Variants in ARHGAP32 observed in about 807,000 individuals in gnomAD.
The protein encoded by ARHGAP32 is Rho GTPase activating protein 32.
In ARHGAP32, 51 loss-of-function variants were observed where a neutral mutation model predicts 186.5. The ratio of observed to expected loss-of-function variants is 0.27; its 90% CI spans 0.22 to 0.35. ARHGAP32 has a LOEUF of 0.35. Ranked by LOEUF, ARHGAP32 falls within the 10% of genes least tolerant of loss-of-function variation. The probability of loss-of-function intolerance (pLI) is 1.00; values close to 1 mark genes in which losing one functional copy is unlikely to be tolerated. For missense variants in ARHGAP32, 2,186 were observed against 2,623.5 expected (o/e 0.83, Z 3.64); for synonymous variants, 950 against 964.3 (o/e 0.99, Z 0.27).
intron 1 of ARHGAP32, among the ~76,000 whole-genome samples, chr11:129,258,249 A>G (rs1159760128): frequency 6.6e-6 from 1 of 152,202 alleles, no homozygotes; most frequent in African/African-American, 2.4e-5. Context: ...TTTAATCAAA[A>G]TAAACCAAAA....
At chr11:129,071,090 TA>T (rs1940853197) in intron 6 of ARHGAP32, among the ~76,000 whole-genome samples, 1 of 152,056 alleles carries the variant, frequency 6.6e-6, no homozygotes, top group South Asian at 2.1e-4. Context: ...TTGAGAGCTG[TA>T]ACACTCAGTG....
intron 6 of ARHGAP32, among the ~76,000 whole-genome samples, chr11:129,077,209 C>T (rs1217370009): frequency 6.6e-6 from 1 of 152,070 alleles, no homozygotes; most frequent in Non-Finnish European, 1.5e-5. Context: ...GGGGATAGAC[C>T]ACAGGAAAAA....
chr11:129,082,528 G>C (rs1319556806), intron 6 of ARHGAP32, among the ~76,000 whole-genome samples: 2 of 152,032 alleles, frequency 1.3e-5, no homozygotes, highest in Non-Finnish European at 2.9e-5. Flanking sequence ...AATGGTGGTG[G>C]GATAATTGGC....
rs560413477 is a variant in ARHGAP32, at chr11:128,996,998, C to T, written c.1195+1321G>A. ...CTTGCCATGTTGTGTAGGCTGATCT[C>T]GAACTCCTAGGCGCAAGCTATCTGC... On this transcript the variant is annotated intron_variant, in intron 12 of 22. Coordinates refer to ENST00000682385, the MANE Select transcript of ARHGAP32 (RefSeq NM_001378024.1). Among the ~76,000 whole-genome samples the T allele has an allele frequency of 4.6e-5, 7 of 152,222 alleles. No homozygotes were observed. The South Asian group carries it at 1.0e-3, about 23-fold the overall frequency.
chr11:129,186,018 A>G (rs553070543), intron 1 of ARHGAP32, among the ~76,000 whole-genome samples: 9 of 152,234 alleles, frequency 5.9e-5, no homozygotes, highest in African/African-American at 2.2e-4. Context: ...GTCACTTGAC[A>G]TATTTAATTT....
At chr11:129,052,219 C>A (rs1487978277) in intron 10 of ARHGAP32, among the ~76,000 whole-genome samples, 1 of 152,170 alleles carries the variant, frequency 6.6e-6, no homozygotes, top group Non-Finnish European at 1.5e-5. Context: ...ATGTGTACAA[C>A]TGTATGTATG....
chr11:129,057,045 C>G (rs562086734), intron 10 of ARHGAP32, among the ~76,000 whole-genome samples: 16 of 152,246 alleles, frequency 1.1e-4, no homozygotes, highest in African/African-American at 3.9e-4. Flanking sequence ...GTTCTGCAGC[C>G]GGAGCCCAGT....
intron 5 of ARHGAP32, among the ~76,000 whole-genome samples, chr11:129,099,937 A>C (rs1360917559): frequency 6.6e-6 from 1 of 152,194 alleles, no homozygotes; most frequent in Non-Finnish European, 1.5e-5. Context: ...GCTACTGTGC[A>C]CTGCACCAGG....
chr11:129,131,493 C>A (rs1942808092), intron 2 of ARHGAP32, among the ~76,000 whole-genome samples: 1 of 152,034 alleles, frequency 6.6e-6, no homozygotes, highest in Non-Finnish European at 1.5e-5. Flanking sequence ...GATATCAAAA[C>A]CACCCAAAGA....
chr11:129,115,444 T>A (rs1942340766), intron 5 of ARHGAP32, among the ~76,000 whole-genome samples: 1 of 152,128 alleles, frequency 6.6e-6, no homozygotes, highest in African/African-American at 2.4e-5. Flanking sequence ...AGAATGGGAA[T>A]AGAGCACTGT....
At chr11:129,245,317 G>GAA (rs1373014958) in intron 1 of ARHGAP32, among the ~76,000 whole-genome samples, 1 of 148,822 alleles carries the variant, frequency 6.7e-6, no homozygotes, top group Non-Finnish European at 1.5e-5. Flanking sequence ...GATGAAATTG[G>GAA]AAATCATCAT....
intron 1 of ARHGAP32, among the ~76,000 whole-genome samples, chr11:129,206,918 C>T (rs925139701): frequency 6.6e-6 from 1 of 152,042 alleles, no homozygotes; most frequent in Non-Finnish European, 1.5e-5. Flanking sequence ...CCTCACCCCC[C>T]AACAGGCCCC....
At chr11:128,993,378 A>G (rs1946115735) in intron 12 of ARHGAP32, 1 of 152,080 alleles carries the variant, frequency 6.6e-6, no homozygotes, top group African/African-American at 2.4e-5. Flanking sequence ...CTTCTCAGAA[A>G]AATCTAGTGC....
At chr11:129,181,205 C>T (rs369380425) in intron 1 of ARHGAP32, among the ~76,000 whole-genome samples, 3 of 152,090 alleles carry the variant, frequency 2.0e-5, no homozygotes. Context: ...CAACAGTTGT[C>T]GCCAGTTACT....
chr11:129,183,888 A>G (rs1944104695), intron 1 of ARHGAP32, among the ~76,000 whole-genome samples: 2 of 152,148 alleles, frequency 1.3e-5, no homozygotes, highest in African/African-American at 4.8e-5. Flanking sequence ...GACTGCATAT[A>G]TGTGAGGAAG....
At position 129,123,396 on chromosome 11, in the gene ARHGAP32, A is replaced by T. The variant is rs755246351; in HGVS notation, c.444+50T>A. The T allele has an allele frequency of 5.5e-6, 8 of 1,463,486 alleles. No individual in the cohort carries two copies. Among genetic ancestry groups the T allele is most frequent in the South Asian group, 4.7e-5 (4 of 85,220 alleles). The allele number at this position is 1,463,486 out of a possible 1,614,324, so 90.7% of individuals were successfully genotyped here. A position where few individuals can be genotyped will look rare whatever the true frequency, so the allele number is the denominator to read the frequency against. ...TATATAGATAAGCATCTAGATATAAAGGTAAATGTGTAAATCTTAATTCAA... is the reference window on the plus strand; with the variant it reads ...TATATAGATAAGCATCTAGATATAATGGTAAATGTGTAAATCTTAATTCAA... On this transcript the variant is annotated intron_variant, in intron 5 of 22. Coordinates refer to ENST00000682385, the MANE Select transcript of ARHGAP32 (RefSeq NM_001378024.1). This position sits in a 1 kb window ranked among gnomAD's most constrained non-coding sequence, Gnocchi z 4.6.
intron 1 of ARHGAP32, among the ~76,000 whole-genome samples, chr11:129,246,613 C>A (rs958577908): frequency 6.6e-6 from 1 of 152,142 alleles, no homozygotes. Context: ...AATACTTAAC[C>A]TTTACGCGAC....
chr11:129,125,729 A>G (rs1243359128), intron 2 of ARHGAP32: 2 of 203,572 alleles, frequency 9.8e-6, no homozygotes, highest in African/African-American at 4.6e-5. Flanking sequence ...GTAACAATGC[A>G]TGAACTTATG....
intron 6 of ARHGAP32, among the ~76,000 whole-genome samples, chr11:129,067,763 C>G (rs540460125): frequency 1.3e-5 from 2 of 152,002 alleles, no homozygotes; most frequent in South Asian, 2.1e-4. Context: ...AAAGAAAAAG[C>G]CTTCAGAGAC....
Sources: allele counts gnomAD v4.1 joint callset (sites outside exome capture counted in the v4.1 genomes callset), GRCh38; gene constraint gnomAD v4.1.1; non-coding constraint Gnocchi (gnomAD v3.1); transcripts MANE v1.5; gene names NCBI Gene and HGNC (gene_info 2026-07-23, HGNC 2026-07-21).